AGBL1: variants seen among roughly 807,000 people sequenced by gnomAD.
AGBL1 encodes cytosolic carboxypeptidase 4.
Under a neutral mutation model 118.9 loss-of-function variants are expected in AGBL1, and 130 were observed. The ratio of observed to expected loss-of-function variants is 1.09; its 90% CI spans 0.95 to 1.26. The LOEUF (loss-of-function observed/expected upper bound fraction) is 1.26. AGBL1 is among the 50% of genes most tolerant of loss of function. The pLI is 0.00. For missense variants in AGBL1, 1,584 were observed against 1,298.1 expected, an observed-to-expected ratio of 1.22 and a Z score of -3.38; for synonymous variants, 555 against 478.9, an observed-to-expected ratio of 1.16 and a Z score of -2.08.
chr15:86,128,864 A>G (rs2076782847), intron 1 of AGBL1, among the ~76,000 whole-genome samples: 1 of 152,208 alleles, frequency 6.6e-6, no homozygotes, highest in Non-Finnish European at 1.5e-5. Flanking sequence ...AGGGTGAGAT[A>G]TCTGTGAGAA....
intron 23 of AGBL1, among the ~76,000 whole-genome samples, chr15:86,979,982 T>G (rs11857799): frequency 0.18 from 26,766 of 152,124 alleles, 2,381 homozygotes; most frequent in Non-Finnish European, 0.18. Flanking sequence ...ATTTCTCACT[T>G]TCTTTTCCCT....
intron 18 of AGBL1, among the ~76,000 whole-genome samples, chr15:86,424,855 A>T (rs2081844662): frequency 6.6e-6 from 1 of 152,224 alleles, no homozygotes; most frequent in African/African-American, 2.4e-5. Context: ...ATCTCATGCC[A>T]GTTAGACTGG....
intron 22 of AGBL1, among the ~76,000 whole-genome samples, chr15:86,723,672 C>G (rs919306217): frequency 6.6e-6 from 1 of 150,896 alleles, no homozygotes; most frequent in Non-Finnish European, 1.5e-5. Context: ...AAAAAGAAAA[C>G]AAAGCAAATT....
At chr15:86,954,293 G>C (rs1393644528) in intron 23 of AGBL1, among the ~76,000 whole-genome samples, 1 of 152,090 alleles carries the variant, frequency 6.6e-6, no homozygotes, top group Non-Finnish European at 1.5e-5. Flanking sequence ...TCCCATTACT[G>C]TGTATATATC....
At chr15:87,023,486 T>A (rs914608272) in intron 24 of AGBL1, among the ~76,000 whole-genome samples, 2 of 151,954 alleles carry the variant, frequency 1.3e-5, no homozygotes, top group Non-Finnish European at 2.9e-5. Context: ...TATAAAACAA[T>A]TACTAATAGA....
intron 21 of AGBL1, among the ~76,000 whole-genome samples, chr15:86,622,339 A>G (rs2142413427): frequency 6.6e-6 from 1 of 151,898 alleles, no homozygotes; most frequent in Admixed American, 6.6e-5. Flanking sequence ...TCAAAAAAAA[A>G]AAAAAAGGGG....
chr15:87,024,830 G>GCAAGT (rs2141810025), intron 24 of AGBL1, among the ~76,000 whole-genome samples: 2 of 151,792 alleles, frequency 1.3e-5, no homozygotes, highest in South Asian at 4.1e-4. Flanking sequence ...TTTAGCATAG[G>GCAAGT]CAAGTCAATA....
intron 22 of AGBL1, among the ~76,000 whole-genome samples, chr15:86,850,824 A>G (rs976895116): frequency 8.6e-6 from 1 of 115,952 alleles, no homozygotes; most frequent in Non-Finnish European, 1.9e-5. Flanking sequence ...AAGCTAAAAA[A>G]CAAAACAAAA....
At chr15:86,894,344 C>T (rs972492055) in intron 22 of AGBL1, among the ~76,000 whole-genome samples, 1 of 152,108 alleles carries the variant, frequency 6.6e-6, no homozygotes, top group African/African-American at 2.4e-5. Context: ...ATAGCTAACA[C>T]CCTACTATTG....
chr15:86,937,848 A>C (rs1306512585), intron 23 of AGBL1, among the ~76,000 whole-genome samples: 1 of 152,240 alleles, frequency 6.6e-6, no homozygotes, highest in Non-Finnish European at 1.5e-5. Context: ...ATTACATGCT[A>C]TGTACTACCC....
intron 22 of AGBL1, among the ~76,000 whole-genome samples, chr15:86,813,712 G>A (rs2078822822): frequency 6.6e-6 from 1 of 152,116 alleles, no homozygotes; most frequent in Non-Finnish European, 1.5e-5. Flanking sequence ...TATAGAACAG[G>A]GAATAACAAT....
At chr15:86,678,708 G>A (rs573390837) in intron 22 of AGBL1, among the ~76,000 whole-genome samples, 1 of 151,902 alleles carries the variant, frequency 6.6e-6, no homozygotes, top group East Asian at 1.9e-4. Flanking sequence ...GTCTACCTCG[G>A]TTTAATAACA....
intron 21 of AGBL1, among the ~76,000 whole-genome samples, chr15:86,579,099 G>T (rs2084138537): frequency 6.6e-6 from 1 of 152,098 alleles, no homozygotes; most frequent in African/African-American, 2.4e-5. Context: ...TATTTCAGTG[G>T]CGTCCTAAAT....
intron 22 of AGBL1, among the ~76,000 whole-genome samples, chr15:86,767,224 T>G (rs1387236935): frequency 6.6e-6 from 1 of 151,926 alleles, no homozygotes; most frequent in Non-Finnish European, 1.5e-5. Context: ...TGGAACTAGA[T>G]AGCCTAAACT....
intron 22 of AGBL1, among the ~76,000 whole-genome samples, chr15:86,873,045 C>G (rs975164482): frequency 1.3e-5 from 2 of 152,218 alleles, no homozygotes; most frequent in Non-Finnish European, 1.5e-5. Context: ...ACTCTTTCAG[C>G]TCCAATTTGC....
At chr15:86,893,845 T>G (rs2080085305) in intron 22 of AGBL1, among the ~76,000 whole-genome samples, 1 of 152,094 alleles carries the variant, frequency 6.6e-6, no homozygotes, top group Non-Finnish European at 1.5e-5. Context: ...GAAGAAGAGG[T>G]TTTATGCTAT....
chr15:86,969,607 G>T (rs2081087670), intron 23 of AGBL1, among the ~76,000 whole-genome samples: 1 of 152,050 alleles, frequency 6.6e-6, no homozygotes, highest in Non-Finnish European at 1.5e-5. Flanking sequence ...GTGGGAATGT[G>T]TATGTGGGCA....
At chr15:86,472,246 C>A (rs1022655137) in intron 18 of AGBL1, among the ~76,000 whole-genome samples, 2 of 152,218 alleles carry the variant, frequency 1.3e-5, no homozygotes, top group African/African-American at 4.8e-5. Flanking sequence ...GTCCAGATGA[C>A]TAGAGGATTC....
At chr15:86,981,726 C>T (rs2081233452) in intron 23 of AGBL1, among the ~76,000 whole-genome samples, 1 of 152,050 alleles carries the variant, frequency 6.6e-6, no homozygotes, top group South Asian at 2.1e-4. Context: ...ATGCCTATGA[C>T]CAAAATATCT....
Sources: allele counts gnomAD v4.1 joint callset (sites outside exome capture counted in the v4.1 genomes callset), GRCh38; gene constraint gnomAD v4.1.1; transcripts MANE v1.5; gene names NCBI Gene and HGNC (gene_info 2026-07-23, HGNC 2026-07-21).